FHIT: variants seen among roughly 807,000 people sequenced by gnomAD.
FHIT encodes the protein fragile histidine triad diadenosine triphosphatase.
In FHIT, 19 loss-of-function variants were observed where a neutral mutation model predicts 17.9. The ratio of observed to expected loss-of-function variants is 1.06; its 90% CI spans 0.74 to 1.56. The LOEUF (loss-of-function observed/expected upper bound fraction) is 1.56, where lower values mean the gene tolerates loss of function less well. FHIT is among the 40% of genes most tolerant of loss of function. The probability of loss-of-function intolerance (pLI) is 0.00; values close to 1 mark genes in which losing one functional copy is unlikely to be tolerated. For missense variants in FHIT, 248 were observed against 189.2 expected (o/e 1.31, Z -1.82); for synonymous variants, 81 against 69.7 (o/e 1.16, Z -0.81).
chr3:60,325,702 G>C (rs1359159859), intron 5 of FHIT, among the ~76,000 whole-genome samples: 5 of 152,194 alleles, frequency 3.3e-5, no homozygotes, highest in Admixed American at 3.3e-4. Context: ...CAAGGCAAAA[G>C]AGGATTTACA....
intron 2 of FHIT, among the ~76,000 whole-genome samples, chr3:61,090,474 C>G (rs1347772019): frequency 1.3e-5 from 2 of 152,192 alleles, no homozygotes; most frequent in African/African-American, 2.4e-5. Flanking sequence ...GATTTCTAGT[C>G]TCACAGGGAT....
At chr3:60,823,820 A>C (rs560120267) in intron 3 of FHIT, among the ~76,000 whole-genome samples, 1 of 152,280 alleles carries the variant, frequency 6.6e-6, no homozygotes, top group Non-Finnish European at 1.5e-5. Flanking sequence ...TGAAAAGGTA[A>C]TGTCTCAGGG....
At chr3:61,029,517 A>T (rs778467506) in intron 3 of FHIT, among the ~76,000 whole-genome samples, 1 of 152,200 alleles carries the variant, frequency 6.6e-6, no homozygotes, top group Non-Finnish European at 1.5e-5. Context: ...ACCACTTAAA[A>T]ATTCTTTGTG....
intron 8 of FHIT, among the ~76,000 whole-genome samples, chr3:59,795,382 T>C (rs1699736910): frequency 1.0e-5 from 1 of 100,238 alleles, no homozygotes; most frequent in South Asian, 3.4e-4. Flanking sequence ...AGACCCTGTC[T>C]CGAAAAAAAA....
chr3:60,871,842 T>A (rs1425156158), intron 3 of FHIT, among the ~76,000 whole-genome samples: 1 of 152,062 alleles, frequency 6.6e-6, no homozygotes, highest in Non-Finnish European at 1.5e-5. Flanking sequence ...TATTTATTTT[T>A]TGTAGAGACG....
chr3:61,195,029 G>A (rs1309783184), intron 2 of FHIT, among the ~76,000 whole-genome samples: 2 of 151,064 alleles, frequency 1.3e-5, no homozygotes, highest in African/African-American at 2.4e-5. Flanking sequence ...TGATAGTGGG[G>A]GAAGTGGAAA....
At chr3:61,091,134 C>T (rs568730756) in intron 2 of FHIT, among the ~76,000 whole-genome samples, 3 of 152,236 alleles carry the variant, frequency 2.0e-5, no homozygotes, top group Admixed American at 1.3e-4. Context: ...AAAATATGCA[C>T]TTAACATTTT....
intron 3 of FHIT, among the ~76,000 whole-genome samples, chr3:60,965,014 C>G (rs1709650486): frequency 6.6e-6 from 1 of 152,146 alleles, no homozygotes; most frequent in Non-Finnish European, 1.5e-5. Flanking sequence ...TGGATAATAT[C>G]CTGCAGAGTG....
intron 2 of FHIT, among the ~76,000 whole-genome samples, chr3:61,164,931 G>A (rs1040426028): frequency 6.6e-6 from 1 of 152,114 alleles, no homozygotes; most frequent in Non-Finnish European, 1.5e-5. Context: ...TAGGATAATG[G>A]CCTCCAGTTG....
chr3:60,183,138 C>T (rs1702012970), intron 5 of FHIT, among the ~76,000 whole-genome samples: 1 of 152,132 alleles, frequency 6.6e-6, no homozygotes, highest in Admixed American at 6.6e-5. Context: ...TGGCTCACAC[C>T]TGCAATCCCA....
intron 4 of FHIT, among the ~76,000 whole-genome samples, chr3:60,570,457 G>A: frequency 6.6e-6 from 1 of 152,076 alleles, no homozygotes; most frequent in South Asian, 2.1e-4. Flanking sequence ...AAAGGGATCA[G>A]GAGGAGATAA....
chr3:61,164,803 C>A (rs1273153628), intron 2 of FHIT, among the ~76,000 whole-genome samples: 1 of 152,194 alleles, frequency 6.6e-6, no homozygotes, highest in Admixed American at 6.5e-5. Flanking sequence ...CTCCCTCACT[C>A]ACTCCTCCAG....
intron 5 of FHIT, among the ~76,000 whole-genome samples, chr3:60,149,509 G>C (rs528395568): frequency 1.3e-5 from 2 of 152,028 alleles, no homozygotes; most frequent in African/African-American, 4.8e-5. Flanking sequence ...AAATATATCT[G>C]CCATTAAACC....
In FHIT at chr3:59,960,984, G is replaced by C. The variant is rs3772462; in HGVS notation, c.280-38570C>G. On this transcript the variant is annotated intron_variant, in intron 7 of 9. Coordinates refer to ENST00000492590, the MANE Select transcript of FHIT (RefSeq NM_002012.4). The stretch of plus-strand genomic sequence containing the variant: ...GTGCACTCAAAAGGACTATCTTTGA[G>C]ACTCTAAGACGATTCTTGATTCATT... 7.9e-3 allele frequency among the ~76,000 whole-genome samples: 1,198 copies of C among 152,294 alleles called. 77 individuals carry two copies. In the East Asian group the frequency reaches 0.17, roughly 22 times the overall value.
chr3:60,444,585 T>C (rs1048945704), intron 5 of FHIT, among the ~76,000 whole-genome samples: 4 of 152,052 alleles, frequency 2.6e-5, no homozygotes, highest in Non-Finnish European at 4.4e-5. Flanking sequence ...CTCAGCAAAC[T>C]ATCACAAGGA....
rs1707625779 is a variant in FHIT, at chr3:59,960,608, GGATA to G, written c.280-38198_280-38195del. Reference sequence around the variant, plus strand: ...ATAGCTAGAAATGGTTGAGGCTTTGGGATAGATAGAGAAGGGGTACTTTGGAAAA... The same window carrying G: ...ATAGCTAGAAATGGTTGAGGCTTTGGGATAGAGAAGGGGTACTTTGGAAAA... On this transcript the variant is annotated intron_variant, in intron 7 of 9. Transcript: ENST00000492590. Among the ~76,000 whole-genome samples, 4 of 152,156 alleles carry G rather than the reference GGATA, an allele frequency of 2.6e-5. No homozygotes were observed. The South Asian group carries it at 8.3e-4, about 32-fold the overall frequency.
chr3:60,916,126 A>G (rs934337504), intron 3 of FHIT, among the ~76,000 whole-genome samples: 21 of 152,234 alleles, frequency 1.4e-4, no homozygotes, highest in African/African-American at 5.1e-4. Flanking sequence ...TATAAAGTAT[A>G]GATATTCCAT....
intron 5 of FHIT, among the ~76,000 whole-genome samples, chr3:60,389,535 T>C (rs531705740): frequency 1.1e-3 from 165 of 152,204 alleles, no homozygotes; most frequent in African/African-American, 3.9e-3. Context: ...GCTTGGAAGA[T>C]TTTTAAATGC....
chr3:60,646,726 A>C (rs2039866438), intron 4 of FHIT, among the ~76,000 whole-genome samples: 1 of 152,206 alleles, frequency 6.6e-6, no homozygotes, highest in African/African-American at 2.4e-5. Flanking sequence ...CAGAGTTGAC[A>C]TGGCGTTACT....
Sources: gnomAD v4.1 joint callset for allele counts (sites outside exome capture counted in the v4.1 genomes callset) on GRCh38, gnomAD v4.1.1 for gene constraint, MANE v1.5 for transcripts, NCBI Gene and HGNC (gene_info 2026-07-23, HGNC 2026-07-21) for gene names.